The following SIGLEC11 variants were observed in gnomAD, a reference collection of about 807,000 sequenced individuals.
SIGLEC11 encodes the protein sialic acid binding Ig like lectin 11, also known as sialic acid-binding Ig-like lectin 11.
In SIGLEC11, 47 loss-of-function variants were observed where a neutral mutation model predicts 61.2. The ratio of observed to expected loss-of-function variants is 0.77; its 90% CI spans 0.61 to 0.98. The LOEUF (loss-of-function observed/expected upper bound fraction) is 0.98, where lower values mean the gene tolerates loss of function less well. Ranked by LOEUF, SIGLEC11 falls within the 50% of genes least tolerant of loss-of-function variation. The pLI is 0.00. For missense variants in SIGLEC11, 610 were observed against 870.3 expected, an observed-to-expected ratio of 0.70 and a Z score of 3.76; for synonymous variants, 278 against 373.1, an observed-to-expected ratio of 0.75 and a Z score of 2.94.
In SIGLEC11 at chr19:49,949,827, G is replaced by T. The variant is rs568563951; in HGVS notation, c.*143C>A. On this transcript the variant is annotated 3_prime_UTR_variant, in exon 11 of 11. Coordinates refer to ENST00000447370, the MANE Select transcript of SIGLEC11 (RefSeq NM_052884.3). ...ACTGGACTCTGGCCTGGAGGACAGAGTCAGACCCTGTCTCAAAAAAAGTAT... is the reference window on the plus strand; with the variant it reads ...ACTGGACTCTGGCCTGGAGGACAGATTCAGACCCTGTCTCAAAAAAAGTAT... 3 of 900,230 alleles carry T rather than the reference G, an allele frequency of 3.3e-6. No individual in the cohort carries two copies. Among genetic ancestry groups the T allele is most frequent in the Non-Finnish European group, 4.5e-6 (3 of 672,262 alleles). 55.8% of individuals were successfully genotyped at this position (900,230 alleles called of 1,614,324 possible).
At chr19:49,959,995 G>T (rs1338052589) in intron 3 of SIGLEC11, 142 bp downstream of exon 3, 2 of 980,196 alleles carry the variant, frequency 2.0e-6, no homozygotes, top group East Asian at 5.2e-5. Flanking sequence ...CCCTCCCAGG[G>T]CTGAGCCGGC....
intron 5 of SIGLEC11, 56 bp from the exon 6 acceptor site, chr19:49,959,133 A>C (rs1237977591): frequency 2.2e-5 from 36 of 1,604,604 alleles, no homozygotes; most frequent in Non-Finnish European, 2.9e-5. Flanking sequence ...CCTCTGGGTA[A>C]AGGGAACTAT....
rs2076148643 is a variant in SIGLEC11, at chr19:49,950,048, G to A, written c.2019C>T (p.Ile673=). Residue 673 remains isoleucine (I), a synonymous_variant, in exon 11 of 11, where the codon ATC becomes ATT. Transcript: ENST00000447370. ...GGCCCCTCAGGGGCTGTCCTGTGTGGATCTTGATCTCCGAGTACTCGGTGG... is the reference window on the plus strand; with the variant it reads ...GGCCCCTCAGGGGCTGTCCTGTGTGAATCTTGATCTCCGAGTACTCGGTGG... The part of the protein sequence containing the change: ...PSTTEYSEIK[I]HTGQPLRGPG... 6.2e-7 allele frequency: 1 copy of A among 1,605,040 alleles called. No homozygotes were observed. Among genetic ancestry groups the A allele is most frequent in the Non-Finnish European group, 8.5e-7 (1 of 1,174,102 alleles).
chr19:49,956,777 A>C (rs1214114095), intron 8 of SIGLEC11, among the ~76,000 whole-genome samples: 4 of 152,210 alleles, frequency 2.6e-5, no homozygotes, highest in Non-Finnish European at 5.9e-5. Context: ...ACTTGAAATC[A>C]TCACTAATAA....
At chr19:49,952,236 G>A (rs1193298404) in intron 9 of SIGLEC11, 62 bp downstream of exon 9, 2 of 1,522,518 alleles carry the variant, frequency 1.3e-6, no homozygotes, top group Admixed American at 1.7e-5. Context: ...AGCTGGGACT[G>A]TCTGGGATTC....
Position 49,951,104 on chromosome 19 carries a change from G to A in SIGLEC11, c.1830+787C>T, listed in dbSNP as rs1484988914. 1.3e-5 allele frequency among the ~76,000 whole-genome samples: 2 copies of A among 152,146 alleles called. No individual in the cohort carries two copies. The highest frequency in any genetic ancestry group is 6.5e-5 in the Admixed American group (1 of 15,270). On this transcript the variant is annotated intron_variant, in intron 10 of 10. Transcript: ENST00000447370. The surrounding 1 kb of genome is among the most constrained non-coding windows in gnomAD (Gnocchi z 4.6). ...CACTGGGACTTACGGCGGGGCCTAC[G>A]TAGCATCAGTTTGGCTCTGCAGGGG...
intron 8 of SIGLEC11, among the ~76,000 whole-genome samples, chr19:49,956,119 C>T (rs146301030): frequency 2.0e-5 from 3 of 152,070 alleles, no homozygotes; most frequent in Non-Finnish European, 4.4e-5. Context: ...AGACCAATGG[C>T]CTTGGAAAGC....
intron 8 of SIGLEC11, 113 bp downstream of exon 8, chr19:49,958,170 G>C: frequency 6.8e-7 from 1 of 1,473,628 alleles, no homozygotes; most frequent in Non-Finnish European, 9.2e-7. Context: ...CAGGGACTTT[G>C]TCCCCATCCC....
At chr19:49,956,569 G>C (rs1275693576) in intron 8 of SIGLEC11, among the ~76,000 whole-genome samples, 1 of 151,644 alleles carries the variant, frequency 6.6e-6, no homozygotes, top group Non-Finnish European at 1.5e-5. Context: ...GAAACTTTAA[G>C]GTATCCTGTC....
chr19:49,950,322 G>C, intron 10 of SIGLEC11, 86 bp from the exon 11 acceptor site: 1 of 1,313,958 alleles, frequency 7.6e-7, no homozygotes, highest in Non-Finnish European at 9.9e-7. Flanking sequence ...TCTGGAAATT[G>C]AGTATTTCCT....
intron 8 of SIGLEC11, among the ~76,000 whole-genome samples, chr19:49,953,288 G>A (rs1488431792): frequency 6.6e-6 from 1 of 152,162 alleles, no homozygotes; most frequent in Non-Finnish European, 1.5e-5. Flanking sequence ...TAACCTTTTG[G>A]GGACCAAGGC....
rs956911916 is a variant in SIGLEC11, at chr19:49,949,486, G to C, written c.*484C>G. The stretch of plus-strand genomic sequence containing the variant: ...GCTTTACACATCCAGAGAAGCTTCT[G>C]TAGTAATGAACCATAGACACGATGC... On this transcript the variant is annotated 3_prime_UTR_variant, in exon 11 of 11. Transcript: ENST00000447370. 1.3e-5 allele frequency: 2 copies of C among 152,082 alleles called. 1 individual carries two copies. The highest frequency in any genetic ancestry group is 4.8e-5 in the African/African-American group (2 of 41,360). The allele number at this position is 152,082 out of a possible 1,614,324, so 9.4% of individuals were successfully genotyped here. A position where few individuals can be genotyped will look rare whatever the true frequency, so the allele number is the denominator to read the frequency against.
chr19:49,949,546 A>G lies in SIGLEC11; in HGVS notation c.*424T>C, dbSNP rs1277797563. 6.5e-6 allele frequency: 1 copy of G among 152,996 alleles called. No individual in the cohort carries two copies. Among genetic ancestry groups the G allele is most frequent in the Non-Finnish European group, 1.5e-5 (1 of 68,694 alleles). 9.5% of individuals were successfully genotyped at this position (152,996 alleles called of 1,614,324 possible). On this transcript the variant is annotated 3_prime_UTR_variant, in exon 11 of 11. Coordinates refer to ENST00000447370, the MANE Select transcript of SIGLEC11 (RefSeq NM_052884.3). Reference sequence around the variant, plus strand: ...TCATCTTCAAACTCGCTCTGAATTGAAAGTATAATCTTCAGCCAGCTGTGG... The same window carrying G: ...TCATCTTCAAACTCGCTCTGAATTGGAAGTATAATCTTCAGCCAGCTGTGG...
chr19:49,950,587 C>T (rs981367857), intron 10 of SIGLEC11, among the ~76,000 whole-genome samples: 4 of 152,106 alleles, frequency 2.6e-5, no homozygotes, highest in Admixed American at 1.3e-4. Flanking sequence ...ATCTAAGTAG[C>T]GGTCAGGCCA....
At position 49,950,087 on chromosome 19, in the gene SIGLEC11, C is replaced by T. The variant is rs1173139044; in HGVS notation, c.1980G>A (p.Gln660=). Residue 660 remains glutamine (Q), a synonymous_variant, in exon 11 of 11, where the codon CAG becomes CAA. Coordinates refer to ENST00000447370, the MANE Select transcript of SIGLEC11 (RefSeq NM_052884.3). The stretch of plus-strand genomic sequence containing the variant: ...AGTACTCGGTGGTGCTGGGGGCCTC[C>T]TGGTCCGCAGGCTCCCAGAGCCTCA... ...QGLRLWEPAD[Q]EAPSTTEYSE... 1 of 1,610,824 alleles carries T rather than the reference C, an allele frequency of 6.2e-7. No individual in the cohort carries two copies. The highest frequency in any genetic ancestry group is 2.2e-5 in the East Asian group (1 of 44,784).
intron 9 of SIGLEC11, 97 bp from the exon 10 acceptor site, chr19:49,952,069 GC>G: frequency 7.8e-7 from 1 of 1,275,858 alleles, no homozygotes; most frequent in Non-Finnish European, 1.1e-6. Flanking sequence ...AGGCTGCAGA[GC>G]CCAGTGGGGT....
In SIGLEC11 at chr19:49,950,090, G is replaced by A. The variant is rs375038414; in HGVS notation, c.1977C>T (p.Asp659=). 71 of 1,611,082 alleles carry A rather than the reference G, an allele frequency of 4.4e-5. 1 individual carries two copies. The African/African-American group carries it at 8.9e-4, about 20-fold the overall frequency. Residue 659 remains aspartate, a synonymous_variant, in exon 11 of 11, where the codon GAC becomes GAT. Coordinates refer to ENST00000447370, the MANE Select transcript of SIGLEC11 (RefSeq NM_052884.3). The stretch of plus-strand genomic sequence containing the variant: ...ACTCGGTGGTGCTGGGGGCCTCCTG[G>A]TCCGCAGGCTCCCAGAGCCTCAGGC... The part of the protein sequence containing the change: ...FQGLRLWEPA[D]QEAPSTTEYS...
chr19:49,952,118 T>C, intron 9 of SIGLEC11, 146 bp from the exon 10 acceptor site: 1 of 1,022,178 alleles, frequency 9.8e-7, no homozygotes, highest in Non-Finnish European at 1.4e-6. Flanking sequence ...TAGTGAGAAC[T>C]GGGGACCCTC....
At chr19:49,954,648 A>G (rs2076183295) in intron 8 of SIGLEC11, among the ~76,000 whole-genome samples, 1 of 152,162 alleles carries the variant, frequency 6.6e-6, no homozygotes. Context: ...GCTCTTATAG[A>G]TCTGACGCAA....
Sources: allele counts gnomAD v4.1 joint callset (sites outside exome capture counted in the v4.1 genomes callset), GRCh38; gene constraint gnomAD v4.1.1; non-coding constraint Gnocchi (gnomAD v3.1); transcripts MANE v1.5; gene names NCBI Gene and HGNC (gene_info 2026-07-23, HGNC 2026-07-21).